The following FXYD6 variants were observed in gnomAD, a reference collection of about 807,000 sequenced individuals.
FXYD6 encodes FXYD domain-containing ion transport regulator 6.
In FXYD6, 7 loss-of-function variants were observed where a neutral mutation model predicts 16.7. The ratio of observed to expected loss-of-function variants is 0.42; its 90% CI spans 0.24 to 0.79. FXYD6 has a LOEUF of 0.79. Among genes scored for constraint, FXYD6 ranks in the 30% least tolerant of loss-of-function variants. The probability of loss-of-function intolerance (pLI) is 0.28; values close to 1 mark genes in which losing one functional copy is unlikely to be tolerated. For missense variants in FXYD6, 111 were observed against 116.2 expected (o/e 0.95, Z 0.21); for synonymous variants, 49 against 43.0 (o/e 1.14, Z -0.54).
At chr11:117,869,994 C>A (rs190057366) in intron 1 of FXYD6, among the ~76,000 whole-genome samples, 30 of 152,356 alleles carry the variant, frequency 2.0e-4, no homozygotes, top group Admixed American at 1.5e-3. Context: ...ATTCTCTGGG[C>A]CCCAGCCTGG....
intron 1 of FXYD6, among the ~76,000 whole-genome samples, chr11:117,862,833 T>C (rs1468138260): frequency 6.6e-6 from 1 of 152,174 alleles, no homozygotes; most frequent in African/African-American, 2.4e-5. Flanking sequence ...ATAGGAACTC[T>C]TGTCCCTCAG....
chr11:117,839,395 T>TAA, intron 7 of FXYD6: 13 of 234,054 alleles, frequency 5.6e-5, no homozygotes, highest in East Asian at 3.4e-4. Context: ...ATAAGGTGTT[T>TAA]AAAAAAACAA....
chr11:117,875,081 C>G (rs536496546), intron 1 of FXYD6, among the ~76,000 whole-genome samples: 1 of 147,580 alleles, frequency 6.8e-6, no homozygotes, highest in Non-Finnish European at 1.5e-5. Flanking sequence ...CTCAGCCCAG[C>G]CTGAGACTTA....
At chr11:117,844,369 C>CCAG (rs2056425386) in intron 1 of FXYD6, among the ~76,000 whole-genome samples, 1 of 152,132 alleles carries the variant, frequency 6.6e-6, no homozygotes, top group South Asian at 2.1e-4. Flanking sequence ...CACCCATAAA[C>CCAG]CAGCAGCTTA....
intron 7 of FXYD6, 132 bp downstream of exon 7, chr11:117,839,649 C>CAGGGCAGGGCCCATAATA: frequency 9.2e-7 from 1 of 1,081,778 alleles, no homozygotes; most frequent in Non-Finnish European, 1.4e-6. Context: ...GAAGGCTCCT[C>CAGGGCAGGGCCCATAATA]AGGGCAGGGC....
At chr11:117,841,953 C>T in intron 3 of FXYD6, 37 bp downstream of exon 3, 1 of 1,614,000 alleles carries the variant, frequency 6.2e-7, no homozygotes, top group Non-Finnish European at 8.5e-7. Flanking sequence ...GGGCTGCATT[C>T]CCCCTGACCC....
At chr11:117,868,569 G>A (rs1167903073) in intron 1 of FXYD6, among the ~76,000 whole-genome samples, 1 of 152,118 alleles carries the variant, frequency 6.6e-6, no homozygotes, top group Non-Finnish European at 1.5e-5. Flanking sequence ...ACGACTCAAT[G>A]GAGTGTGGTA....
intron 1 of FXYD6, among the ~76,000 whole-genome samples, chr11:117,859,889 G>A (rs796576653): frequency 4.6e-5 from 7 of 152,262 alleles, no homozygotes; most frequent in South Asian, 2.1e-4. Flanking sequence ...TCAGATCCAC[G>A]CTACAGCAAT....
intron 1 of FXYD6, among the ~76,000 whole-genome samples, chr11:117,848,200 T>G (rs2056518071): frequency 6.6e-6 from 1 of 152,212 alleles, no homozygotes; most frequent in African/African-American, 2.4e-5. Context: ...ACAGTCTTAC[T>G]ACTGATTTTA....
intron 6 of FXYD6, 35 bp downstream of exon 6, chr11:117,840,284 C>A (rs766077389): frequency 1.9e-6 from 3 of 1,614,020 alleles, no homozygotes; most frequent in African/African-American, 2.7e-5. Flanking sequence ...TCTGTTCCCT[C>A]TTTTCCACCT....
chr11:117,857,052 C>T (rs1003950430), intron 1 of FXYD6, among the ~76,000 whole-genome samples: 2 of 152,100 alleles, frequency 1.3e-5, no homozygotes, highest in African/African-American at 4.8e-5. Context: ...GGGAAGAGGG[C>T]GAGGCCCTGC....
chr11:117,870,805 C>T lies in FXYD6; in HGVS notation c.-6+5787G>A, dbSNP rs1000511273. 2.6e-5 allele frequency among the ~76,000 whole-genome samples: 4 copies of T among 152,144 alleles called. No individual in the cohort carries two copies. The highest frequency in any genetic ancestry group is 9.7e-5 in the African/African-American group (4 of 41,420). ...ATACCCACAGAGCCAAGGCCTACACCCCTTCCCATGTAGGGCTGTCACCAG... is the reference window on the plus strand; with the variant it reads ...ATACCCACAGAGCCAAGGCCTACACTCCTTCCCATGTAGGGCTGTCACCAG... On this transcript the variant is annotated intron_variant, in intron 1 of 7. Coordinates refer to ENST00000526014, the MANE Select transcript of FXYD6 (RefSeq NM_022003.4). The surrounding 1 kb of genome is among the most constrained non-coding windows in gnomAD (Gnocchi z 4.2).
intron 1 of FXYD6, among the ~76,000 whole-genome samples, chr11:117,855,722 G>A (rs1439013942): frequency 6.6e-6 from 1 of 152,182 alleles, no homozygotes; most frequent in Non-Finnish European, 1.5e-5. Context: ...TGAAGTGAGC[G>A]GAGAGGGCAC....
At chr11:117,844,781 G>A (rs776960585) in intron 1 of FXYD6, among the ~76,000 whole-genome samples, 2 of 152,260 alleles carry the variant, frequency 1.3e-5, no homozygotes, top group South Asian at 2.1e-4. Context: ...GTGAGCCACC[G>A]CGCCTGGCTG....
At chr11:117,855,387 G>A (rs541034879) in intron 1 of FXYD6, among the ~76,000 whole-genome samples, 6 of 152,280 alleles carry the variant, frequency 3.9e-5, no homozygotes, top group Admixed American at 6.5e-5. Context: ...AAATCTCATC[G>A]GTGGTACGTT....
At chr11:117,842,804 ATGATTCTCT>A in intron 1 of FXYD6, 23 bp from the exon 2 acceptor site, 1 of 1,553,422 alleles carries the variant, frequency 6.4e-7, no homozygotes, top group South Asian at 1.2e-5. Flanking sequence ...GGAGGAAAAA[ATGATTCTCT>A]GGCTAAGAAG....
At chr11:117,859,152 C>A (rs2056846349) in intron 1 of FXYD6, among the ~76,000 whole-genome samples, 1 of 152,206 alleles carries the variant, frequency 6.6e-6, no homozygotes, top group Admixed American at 6.5e-5. Context: ...AGATACATCT[C>A]CTGCCTCCTA....
chr11:117,846,314 C>A (rs2056464834), intron 1 of FXYD6, among the ~76,000 whole-genome samples: 1 of 152,132 alleles, frequency 6.6e-6, no homozygotes, highest in Admixed American at 6.5e-5. Context: ...GAATACTAAA[C>A]CTTTGTCATT....
chr11:117,874,953 G>T (rs2057223991), intron 1 of FXYD6, among the ~76,000 whole-genome samples: 1 of 152,168 alleles, frequency 6.6e-6, no homozygotes, highest in Admixed American at 6.5e-5. Context: ...TCCTCTGCAG[G>T]GTTCCCAGGG....
Sources: allele counts gnomAD v4.1 joint callset (sites outside exome capture counted in the v4.1 genomes callset), GRCh38; gene constraint gnomAD v4.1.1; non-coding constraint Gnocchi (gnomAD v3.1); transcripts MANE v1.5; gene names NCBI Gene and HGNC (gene_info 2026-07-23, HGNC 2026-07-21).